RPAP1: variants seen among roughly 807,000 people sequenced by gnomAD.
RPAP1 encodes RNA polymerase II-associated protein 1.
A neutral mutation model predicts 142.4 loss-of-function variants in RPAP1; 109 were observed. That is an observed-to-expected ratio of 0.77 (90% CI 0.66 to 0.90). The LOEUF (loss-of-function observed/expected upper bound fraction) is 0.90. RPAP1 is among the 40% of genes least tolerant of loss of function. RPAP1 has a pLI of 0.00. For missense variants in RPAP1, 1,546 were observed against 1,751.7 expected (o/e 0.88, Z 2.10); for synonymous variants, 704 against 738.9 (o/e 0.95, Z 0.77).
rs1566882846 is a variant in RPAP1 at position 41,520,872 on chromosome 15, GGCA to G, written c.3311_3313del (p.Leu1104del). On this transcript the variant is annotated inframe_deletion, in exon 22 of 25. Transcript: ENST00000304330. ...AGCCCGGTGGTAGAGGCGAATCAGTGGCAGGAAGGGCCAGTCGGTGGGCAGCAG... is the reference window on the plus strand; with the variant it reads ...AGCCCGGTGGTAGAGGCGAATCAGTGGGAAGGGCCAGTCGGTGGGCAGCAG... The G allele has an allele frequency of 1.2e-6, 2 of 1,613,748 alleles. No homozygotes were observed. The highest frequency in any genetic ancestry group is 2.2e-5 in the South Asian group (2 of 91,078).
At chr15:41,527,808 A>T in intron 11 of RPAP1, 52 bp downstream of exon 11, 1 of 1,604,796 alleles carries the variant, frequency 6.2e-7, no homozygotes, top group Non-Finnish European at 8.5e-7. Context: ...AGGAACAGGA[A>T]TATGGACCCT....
Position 41,540,612 on chromosome 15 carries a change from T to C in RPAP1, c.-76-3411A>G, listed in dbSNP as rs113882501. ...CACTGCAACGGGCCAGTTACTACTA[T>C]TATTCAAATTTTACAGCTGAGAAAA... is the stretch of plus-strand genomic sequence containing the variant. On this transcript the variant is annotated intron_variant, in intron 1 of 24. Transcript: ENST00000304330. 3.5e-3 allele frequency among the ~76,000 whole-genome samples: 535 copies of C among 152,306 alleles called. 1 individual carries two copies. The highest frequency in any genetic ancestry group is 5.4e-3 in the South Asian group (26 of 4,818).
rs562048662 is a variant in RPAP1, at chr15:41,521,000, A to G, written c.3186T>C (p.His1062=). ...LPSIRNCYLT[H]CSPARASLLA... ...GCAGACTGGCTCGGGCTGGCGAGCA[A>G]TGAGTCAGGTAGCAGTTGCGGATGC... The change falls in exon 22 of 25, where the codon CAT becomes CAC. Residue 1062 remains histidine, a synonymous_variant. Transcript: ENST00000304330. 2 of 1,606,994 alleles carry G rather than the reference A, an allele frequency of 1.2e-6. No individual in the cohort carries two copies. The highest frequency in any genetic ancestry group is 1.7e-5 in the Admixed American group (1 of 59,552).
chr15:41,524,218 C>T lies in RPAP1; in HGVS notation c.2112G>A (p.Val704=). The T allele has an allele frequency of 3.9e-6, 6 of 1,554,656 alleles. No individual in the cohort carries two copies. Among genetic ancestry groups the T allele is most frequent in the Non-Finnish European group, 5.2e-6 (6 of 1,149,954 alleles). The part of the protein sequence containing the change: ...LYPVLMRALQ[V]VPRELSTHPP... The stretch of plus-strand genomic sequence containing the variant: ...GGTGGGTGCTGAGCTCCCGCGGCAC[C>T]ACCTGCAAGGCCCGCATCAGCACTG... Residue 704 remains valine, a synonymous_variant, in exon 16 of 25, where the codon GTG becomes GTA. Transcript: ENST00000304330.
chr15:41,531,615 ATATATATATATATTTTTTTTTTT>A (rs1312831934), intron 6 of RPAP1, among the ~76,000 whole-genome samples: 56 of 24,914 alleles, frequency 2.2e-3, no homozygotes, highest in African/African-American at 0.012. Flanking sequence ...ATATATATAT[ATATATATATATATTTTTTTTTTT>A]TTTTTTTTTT....
intron 1 of RPAP1, among the ~76,000 whole-genome samples, chr15:41,539,135 G>A (rs943664409): frequency 6.6e-6 from 1 of 152,134 alleles, no homozygotes; most frequent in African/African-American, 2.4e-5. Context: ...TTGTGACAGA[G>A]TCTGGCTCTG....
At position 41,524,170 on chromosome 15, in the gene RPAP1, C is replaced by T. The variant is rs1245087658; in HGVS notation, c.2160G>A (p.Gln720=). 1 of 1,597,546 alleles carries T rather than the reference C, an allele frequency of 6.3e-7. No homozygotes were observed. Among genetic ancestry groups the T allele is most frequent in the Non-Finnish European group, 8.5e-7 (1 of 1,171,038 alleles). The change falls in exon 16 of 25, where the codon CAG becomes CAA. Residue 720 remains glutamine (Q), a synonymous_variant. Coordinates refer to ENST00000304330, the MANE Select transcript of RPAP1 (RefSeq NM_015540.4). ...GGAGAGTGAGCAGTGAGGCTATCCG[C>T]TGCATGGACAGGGGTTGAGGTGGGT... ...STHPPQPLSM[Q]RIASLLTLLT...
At position 41,527,964 on chromosome 15, in the gene RPAP1, CA is replaced by C. The variant is rs745950718; in HGVS notation, c.1323del (p.Gly442ValfsTer49). ...AGSVLSLLLD[A>X]GFLFLLRFSL... ...GAGAAGCGCAGTAGGAAGAGGAAAC[CA>C]GCATCCAAAAGGAGGCTTAAGACAC... On this transcript the variant is annotated frameshift_variant, in exon 11 of 25. Transcript: ENST00000304330. LOFTEE classifies it high-confidence loss of function. 5 of 1,613,972 alleles carry C rather than the reference CA, an allele frequency of 3.1e-6. No homozygotes were observed. The African/African-American group carries it at 6.7e-5, about 22-fold the overall frequency.
intron 22 of RPAP1, chr15:41,519,505 C>G (rs766295583): frequency 3.3e-5 from 5 of 152,240 alleles, no homozygotes; most frequent in Non-Finnish European, 7.3e-5. Flanking sequence ...GCCACCGCAC[C>G]TGGCAAACAT....
intron 8 of RPAP1, 46 bp from the exon 9 acceptor site, chr15:41,529,614 C>A: frequency 7.5e-7 from 1 of 1,339,814 alleles, no homozygotes; most frequent in East Asian, 2.4e-5. Context: ...CTCCAGCAAC[C>A]TTCCCACACC....
chr15:41,521,554 A>G (rs2051726243), intron 21 of RPAP1, among the ~76,000 whole-genome samples, 184 bp downstream of exon 21: 1 of 152,164 alleles, frequency 6.6e-6, no homozygotes, highest in South Asian at 2.1e-4. Context: ...TCTCACAATC[A>G]TTCTTGGGTG....
chr15:41,530,565 G>C (rs1394678155), intron 7 of RPAP1, among the ~76,000 whole-genome samples: 2 of 152,192 alleles, frequency 1.3e-5, no homozygotes, highest in Non-Finnish European at 2.9e-5. Context: ...TGGGAAATGA[G>C]TGCTTCCACT....
chr15:41,521,723 C>T lies in RPAP1; in HGVS notation c.3038+15G>A, dbSNP rs2051727733. 1.2e-6 allele frequency: 2 copies of T among 1,613,186 alleles called. No homozygotes were observed. Among genetic ancestry groups the T allele is most frequent in the Non-Finnish European group, 1.7e-6 (2 of 1,179,596 alleles). ...TCCAAAAGGGCTGAGTTGATGCCAC[C>T]AACCAAGCACTTACGGGAGGAACTC... On this transcript the variant is annotated intron_variant, in intron 21 of 24. Coordinates refer to ENST00000304330, the MANE Select transcript of RPAP1 (RefSeq NM_015540.4).
At chr15:41,526,432 T>G (rs1226853184) in intron 14 of RPAP1, among the ~76,000 whole-genome samples, 1 of 152,152 alleles carries the variant, frequency 6.6e-6, no homozygotes, top group Non-Finnish European at 1.5e-5. Context: ...TTTTGTTTTT[T>G]GTAGAGACAG....
intron 1 of RPAP1, among the ~76,000 whole-genome samples, chr15:41,540,237 T>C (rs1208889859): frequency 1.3e-5 from 2 of 152,150 alleles, no homozygotes; most frequent in Non-Finnish European, 2.9e-5. Flanking sequence ...CACATACTGT[T>C]CTCTAAGCAC....
rs1430832340 is a variant in RPAP1 at position 41,537,188 on chromosome 15, C to T, written c.-63G>A. 6.6e-7 allele frequency: 1 copy of T among 1,510,204 alleles called. No individual in the cohort carries two copies. Among genetic ancestry groups the T allele is most frequent in the East Asian group, 2.4e-5 (1 of 42,020 alleles). The allele number at this position is 1,510,204 out of a possible 1,614,324, so 93.6% of individuals were successfully genotyped here. ...CAGCAGTGTCTCCGTGTGGGGGTTC[C>T]CTCTTATTCATCCCTAAGAGCAAGA... On this transcript the variant is annotated 5_prime_UTR_variant, in exon 2 of 25. Transcript: ENST00000304330.
chr15:41,539,279 GTTTTTTT>G (rs758427701), intron 1 of RPAP1, among the ~76,000 whole-genome samples: 2 of 142,178 alleles, frequency 1.4e-5, no homozygotes, highest in South Asian at 4.5e-4. Flanking sequence ...GCTAATTTTT[GTTTTTTT>G]TTTTGTTTTT....
chr15:41,527,155 C>CT lies in RPAP1; in HGVS notation c.1746+11dup. ...AGGCTTTTTGCCCATTCCCTGCTCC[C>CT]TTTTTTCTCACCCTTGTGGCTGATT... On this transcript the variant is annotated intron_variant, in intron 13 of 24. Coordinates refer to ENST00000304330, the MANE Select transcript of RPAP1 (RefSeq NM_015540.4). The CT allele has an allele frequency of 6.2e-7, 1 of 1,614,104 alleles. No homozygotes were observed. Among genetic ancestry groups the CT allele is most frequent in the Non-Finnish European group, 8.5e-7 (1 of 1,179,956 alleles).
chr15:41,538,156 T>C (rs2051933019), intron 1 of RPAP1, among the ~76,000 whole-genome samples: 1 of 152,040 alleles, frequency 6.6e-6, no homozygotes, highest in African/African-American at 2.4e-5. Flanking sequence ...GGCAGGAGAA[T>C]GGCGTGAACC....
Sources: allele counts gnomAD v4.1 joint callset (sites outside exome capture counted in the v4.1 genomes callset), GRCh38; gene constraint gnomAD v4.1.1; transcripts MANE v1.5; gene names NCBI Gene and HGNC (gene_info 2026-07-23, HGNC 2026-07-21).